Variants in DNAH6 observed in about 807,000 individuals in gnomAD.
DNAH6 encodes the protein dynein axonemal heavy chain 6, also known as axonemal beta dynein heavy chain 6.
A neutral mutation model predicts 491.4 loss-of-function variants in DNAH6; 340 were observed. The observed-to-expected ratio is 0.69, with a 90% CI of 0.63 to 0.76. DNAH6 has a LOEUF of 0.76. Among genes scored for constraint, DNAH6 ranks in the 30% least tolerant of loss-of-function variants. DNAH6 has a pLI of 0.00. For missense variants in DNAH6, 4,443 were observed against 4,972.2 expected (o/e 0.89, Z 3.20); for synonymous variants, 1,603 against 1,686.1 (o/e 0.95, Z 1.21).
At chr2:84,601,009 TA>T in intron 18 of DNAH6, among the ~76,000 whole-genome samples, 1 of 147,542 alleles carries the variant, frequency 6.8e-6, no homozygotes, top group African/African-American at 2.5e-5. Context: ...TATACTATAA[TA>T]ATATTATAAT....
intron 7 of DNAH6, among the ~76,000 whole-genome samples, chr2:84,547,990 T>C (rs1486595434): frequency 6.6e-6 from 1 of 152,114 alleles, no homozygotes; most frequent in Non-Finnish European, 1.5e-5. Flanking sequence ...ACTATAAAGG[T>C]TGACTAAATT....
At chr2:84,534,608 G>T (rs1237525538) in intron 4 of DNAH6, among the ~76,000 whole-genome samples, 2 of 151,204 alleles carry the variant, frequency 1.3e-5, no homozygotes, top group African/African-American at 2.4e-5. Flanking sequence ...CTCTTTTTTT[G>T]TGTGTTTTCC....
chr2:84,653,593 G>A lies in DNAH6; in HGVS notation c.5353G>A (p.Ala1785Thr), dbSNP rs1354790725. The A allele has an allele frequency of 6.4e-7, 1 of 1,551,312 alleles. No individual in the cohort carries two copies. The highest frequency in any genetic ancestry group is 8.7e-7 in the Non-Finnish European group (1 of 1,146,714). The change falls in exon 34 of 77, where the codon GCA becomes ACA. Residue 1785 changes from alanine to threonine, a missense_variant. Physicochemically the swap from Ala to Thr is moderately conservative, Grantham distance 58 (BLOSUM62 0). Transcript: ENST00000389394. ...KLGIENSFYQ[A>T]VKTYVLNPKS... Reference sequence around the variant, plus strand: ...TGGGATAGAAAATTCCTTTTACCAAGCAGTTAAAACATATGTTCTCAACCC... The same window carrying A: ...TGGGATAGAAAATTCCTTTTACCAAACAGTTAAAACATATGTTCTCAACCC...
At chr2:84,680,166 C>T (rs991777001) in intron 41 of DNAH6, among the ~76,000 whole-genome samples, 1 of 152,026 alleles carries the variant, frequency 6.6e-6, no homozygotes, top group Non-Finnish European at 1.5e-5. Context: ...AAACAGGAGA[C>T]CCACTGAAAA....
At chr2:84,646,406 C>T (rs772071297) in intron 33 of DNAH6, among the ~76,000 whole-genome samples, 13 of 152,266 alleles carry the variant, frequency 8.5e-5, no homozygotes, top group Non-Finnish European at 1.6e-4. Flanking sequence ...AAGAGTCACA[C>T]ACCTCTCACC....
the DNAH6 span, among the ~76,000 whole-genome samples, chr2:84,466,389 A>G: frequency 6.6e-6 from 1 of 152,262 alleles, no homozygotes; most frequent in African/African-American, 2.4e-5. Context: ...CTATATTGCT[A>G]TAAATTAAGA....
At chr2:84,596,002 G>A (rs1297179852) in intron 18 of DNAH6, among the ~76,000 whole-genome samples, 2 of 152,128 alleles carry the variant, frequency 1.3e-5, no homozygotes, top group Non-Finnish European at 2.9e-5. Flanking sequence ...GTTAGGAGGG[G>A]CATTCAGAGT....
At chr2:84,477,860 C>T in the DNAH6 span, among the ~76,000 whole-genome samples, 3 of 152,196 alleles carry the variant, frequency 2.0e-5, no homozygotes, top group Non-Finnish European at 2.9e-5. Context: ...TATGAATTCA[C>T]CCAGGCAATC....
intron 64 of DNAH6, among the ~76,000 whole-genome samples, chr2:84,773,738 C>CA (rs1675859377): frequency 6.6e-6 from 1 of 152,038 alleles, no homozygotes. Context: ...AATGCAGCCT[C>CA]ACCAGCATCT....
At chr2:84,699,777 C>T in intron 48 of DNAH6, 43 bp downstream of exon 48, 1 of 1,541,456 alleles carries the variant, frequency 6.5e-7, no homozygotes, top group Non-Finnish European at 8.8e-7. Flanking sequence ...GTTGGACTTG[C>T]TTGACTTTAA....
chr2:84,646,542 G>A (rs1689916585), intron 33 of DNAH6, among the ~76,000 whole-genome samples: 1 of 152,206 alleles, frequency 6.6e-6, no homozygotes, highest in African/African-American at 2.4e-5. Flanking sequence ...GATATTGAAA[G>A]AAATTAAAAG....
intron 16 of DNAH6, among the ~76,000 whole-genome samples, chr2:84,592,260 A>G (rs6720466): frequency 0.1 from 15,665 of 152,052 alleles, 1,837 homozygotes; most frequent in African/African-American, 0.29. Flanking sequence ...CAAAAAAAAA[A>G]CCCAAATTTT....
rs1380985575 is a variant in DNAH6 at position 84,733,432 on chromosome 2, G to A, written c.10207-12G>A. On this transcript the variant is annotated splice_polypyrimidine_tract_variant and intron_variant, in intron 61 of 76. Coordinates refer to ENST00000389394, the MANE Select transcript of DNAH6 (RefSeq NM_001370.2). Reference sequence around the variant, plus strand: ...CTTTGTGAATTATTATTCATTTTCTGTCTTCAAACAGGAACGCCCACCTAA... The same window carrying A: ...CTTTGTGAATTATTATTCATTTTCTATCTTCAAACAGGAACGCCCACCTAA... The A allele has an allele frequency of 1.3e-6, 2 of 1,546,886 alleles. No individual in the cohort carries two copies. Among genetic ancestry groups the A allele is most frequent in the East Asian group, 2.4e-5 (1 of 40,886 alleles).
intron 23 of DNAH6, among the ~76,000 whole-genome samples, chr2:84,617,278 G>A (rs919336971): frequency 7.2e-5 from 11 of 151,974 alleles, no homozygotes; most frequent in African/African-American, 2.4e-4. Context: ...TGACATAGGC[G>A]TGTAATGCAT....
chr2:84,747,827 G>C (rs999162672), intron 63 of DNAH6, among the ~76,000 whole-genome samples: 10 of 152,148 alleles, frequency 6.6e-5, no homozygotes, highest in Non-Finnish European at 1.3e-4. Flanking sequence ...ATGCTGCCAA[G>C]CCTCCTTCAC....
At chr2:84,697,443 T>A in intron 46 of DNAH6, 132 bp from the exon 47 acceptor site, 1 of 980,830 alleles carries the variant, frequency 1.0e-6, no homozygotes, top group Non-Finnish European at 1.4e-6. Flanking sequence ...AACTTCAGGG[T>A]TCCATGAAAT....
intron 10 of DNAH6, among the ~76,000 whole-genome samples, chr2:84,554,070 C>T (rs140967353): frequency 2.0e-3 from 304 of 152,300 alleles, no homozygotes; most frequent in African/African-American, 7.1e-3. Flanking sequence ...GTCCGAGAAA[C>T]CATCTGTAGT....
At chr2:84,621,043 T>C in intron 24 of DNAH6, 148 bp from the exon 25 acceptor site, 1 of 751,114 alleles carries the variant, frequency 1.3e-6, no homozygotes, top group Non-Finnish European at 2.1e-6. Context: ...AGGAGATAGA[T>C]GCATAGTGGA....
intron 33 of DNAH6, among the ~76,000 whole-genome samples, chr2:84,650,504 T>A (rs1356710478): frequency 2.0e-5 from 3 of 152,126 alleles, no homozygotes; most frequent in Non-Finnish European, 4.4e-5. Context: ...CTCTGTATTT[T>A]TTTTTTTTGG....
Sources: gnomAD v4.1 joint callset for allele counts (sites outside exome capture counted in the v4.1 genomes callset) on GRCh38, gnomAD v4.1.1 for gene constraint, MANE v1.5 for transcripts, NCBI Gene and HGNC (gene_info 2026-07-23, HGNC 2026-07-21) for gene names.